The following OTOF variants were observed in gnomAD, a reference collection of about 807,000 sequenced individuals.
OTOF encodes otoferlin, also known as fer-1-like family member 2.
A neutral mutation model predicts 236.8 loss-of-function variants in OTOF; 218 were observed. The observed-to-expected ratio is 0.92, with a 90% CI of 0.82 to 1.03. OTOF has a LOEUF of 1.03. Ranked by LOEUF, OTOF falls within the 50% of genes least tolerant of loss-of-function variation. OTOF has a pLI of 0.00. For synonymous variants in OTOF, 1,041 were observed against 1,072.5 expected, an observed-to-expected ratio of 0.97 and a Z score of 0.57; for missense variants, 2,590 against 2,694.4, an observed-to-expected ratio of 0.96 and a Z score of 0.86.
chr2:26,459,156 A>C (rs1376676024), intron 46 of OTOF, among the ~76,000 whole-genome samples: 1 of 152,218 alleles, frequency 6.6e-6, no homozygotes, highest in Non-Finnish European at 1.5e-5. Context: ...CTGGACTGGG[A>C]GGTCACACAC....
chr2:26,487,347 G>A (rs2148064595), intron 11 of OTOF, among the ~76,000 whole-genome samples: 1 of 152,288 alleles, frequency 6.6e-6, no homozygotes, highest in South Asian at 2.1e-4. Flanking sequence ...TCCTGTCCCT[G>A]GGAGGGCACC....
At chr2:26,509,604 T>C (rs1254986762) in intron 5 of OTOF, among the ~76,000 whole-genome samples, 2 of 152,160 alleles carry the variant, frequency 1.3e-5, no homozygotes, top group Admixed American at 6.5e-5. Flanking sequence ...TGTTGATCAG[T>C]TCAGACCCCT....
intron 30 of OTOF, chr2:26,472,238 A>G (rs567199719): frequency 4.1e-6 from 2 of 482,600 alleles, no homozygotes; most frequent in Admixed American, 3.1e-5. Context: ...GCACGCACAA[A>G]TGCACATACA....
chr2:26,459,365 A>G (rs528394855), intron 46 of OTOF, among the ~76,000 whole-genome samples: 45 of 152,260 alleles, frequency 3.0e-4, no homozygotes, highest in African/African-American at 1.0e-3. Context: ...ATCCTGGCTA[A>G]CACAGTGAAA....
In OTOF at chr2:26,523,237, C is replaced by A. The variant is rs981538770; in HGVS notation, c.228-4128G>T. Among the ~76,000 whole-genome samples, 4 of 152,210 alleles carry A rather than the reference C, an allele frequency of 2.6e-5. No homozygotes were observed. The South Asian group carries it at 6.2e-4, about 24-fold the overall frequency. ...GCTGGATGCACAAAATCTTCTGAACCGAACATTTCTTTCTCATGGGGAAGC... is the reference window on the plus strand; with the variant it reads ...GCTGGATGCACAAAATCTTCTGAACAGAACATTTCTTTCTCATGGGGAAGC... On this transcript the variant is annotated intron_variant, in intron 3 of 46. Coordinates refer to ENST00000272371, the MANE Select transcript of OTOF (RefSeq NM_194248.3).
In OTOF at chr2:26,467,426, G is replaced by A; in HGVS notation, c.4166C>T (p.Ser1389Phe). The A allele has an allele frequency of 6.2e-7, 1 of 1,614,026 alleles. No homozygotes were observed. Among genetic ancestry groups the A allele is most frequent in the Non-Finnish European group, 8.5e-7 (1 of 1,180,012 alleles). Residue 1389 changes from serine to phenylalanine, a missense_variant, in exon 34 of 47, where the codon TCT becomes TTT. Coordinates refer to ENST00000272371, the MANE Select transcript of OTOF (RefSeq NM_194248.3). ...KEEKKKKTQSSGSGQGSEAPE... is the reference protein window; with the variant it reads ...KEEKKKKTQSFGSGQGSEAPE... ...GGCCTCGGACCCCTGGCCAGAGCCA[G>A]AGCTCTGAGTTTTCTTCTTCTTCTC...
chr2:26,463,154 G>T lies in OTOF; in HGVS notation c.5192+329C>A, dbSNP rs571635476. Among the ~76,000 whole-genome samples, 7 of 152,320 alleles carry T rather than the reference G, an allele frequency of 4.6e-5. No individual in the cohort carries two copies. In the South Asian group the frequency reaches 1.5e-3, roughly 32 times the overall value. On this transcript the variant is annotated intron_variant, in intron 41 of 46. Transcript: ENST00000272371. Reference sequence around the variant, plus strand: ...TGGGAGTGCTATGCTGTGTGTGTGTGTGTGCATGAGATGCATGTGTATGGG... The same window carrying T: ...TGGGAGTGCTATGCTGTGTGTGTGTTTGTGCATGAGATGCATGTGTATGGG...
At chr2:26,511,369 C>T (rs530704820) in intron 5 of OTOF, among the ~76,000 whole-genome samples, 27 of 152,308 alleles carry the variant, frequency 1.8e-4, no homozygotes, top group South Asian at 4.1e-4. Flanking sequence ...CAGGGAAAAA[C>T]GGCCCCCCTA....
At chr2:26,520,340 A>G (rs1666645570) in intron 3 of OTOF, among the ~76,000 whole-genome samples, 1 of 152,208 alleles carries the variant, frequency 6.6e-6, no homozygotes, top group Non-Finnish European at 1.5e-5. Flanking sequence ...GGGTGAGGTG[A>G]GGTATCAGAT....
intron 3 of OTOF, among the ~76,000 whole-genome samples, chr2:26,527,541 A>G (rs1327537677): frequency 6.6e-6 from 1 of 152,192 alleles, no homozygotes; most frequent in Non-Finnish European, 1.5e-5. Flanking sequence ...TAAAGCTTTA[A>G]GTCTTTAAGA....
At position 26,489,751 on chromosome 2, in the gene OTOF, A is replaced by G; in HGVS notation, c.898-11T>C. The G allele has an allele frequency of 1.2e-6, 2 of 1,607,322 alleles. No homozygotes were observed. Among genetic ancestry groups the G allele is most frequent in the Non-Finnish European group, 1.7e-6 (2 of 1,174,942 alleles). ...GTCGAAGACGAAGTACTGGAGGGGG[A>G]AGGATCCAGGCCTGCTGTCACTGAG... On this transcript the variant is annotated splice_polypyrimidine_tract_variant and intron_variant, in intron 9 of 46. Coordinates refer to ENST00000272371, the MANE Select transcript of OTOF (RefSeq NM_194248.3).
chr2:26,535,193 G>A (rs1299219258), intron 2 of OTOF, among the ~76,000 whole-genome samples: 2 of 152,198 alleles, frequency 1.3e-5, no homozygotes, highest in Non-Finnish European at 2.9e-5. Flanking sequence ...GGCCTTGCAG[G>A]GGTGGTGGGA....
At chr2:26,494,223 A>T (rs1402787436) in intron 9 of OTOF, among the ~76,000 whole-genome samples, 3 of 152,246 alleles carry the variant, frequency 2.0e-5, no homozygotes, top group Admixed American at 6.5e-5. Context: ...GGGAGATTAA[A>T]GTAGAAGGTC....
At position 26,489,271 on chromosome 2, in the gene OTOF, G is replaced by T; in HGVS notation, c.985C>A (p.Arg329Ser). The change falls in exon 11 of 47, where the codon CGC (arginine) becomes AGC (serine). Residue 329 changes from arginine (R) to serine (S), a missense_variant. Transcript: ENST00000272371. The stretch of plus-strand genomic sequence containing the variant: ...AAGGAGCCCACCAGGGTGCCACTGC[G>T]CAGCAGGTTCTTGGAGTGAATCACC... ...ISVIHSKNLL[R>S]SGTLVGSFKM... The T allele has an allele frequency of 6.2e-7, 1 of 1,612,760 alleles. No individual in the cohort carries two copies. Among genetic ancestry groups the T allele is most frequent in the Non-Finnish European group, 8.5e-7 (1 of 1,179,660 alleles).
At chr2:26,545,580 T>G (rs1667311737) in intron 1 of OTOF, among the ~76,000 whole-genome samples, 1 of 152,178 alleles carries the variant, frequency 6.6e-6, no homozygotes, top group Admixed American at 6.5e-5. Flanking sequence ...ATTTATTTCT[T>G]ATGTTTAGTC....
At chr2:26,520,488 C>T (rs917953464) in intron 3 of OTOF, among the ~76,000 whole-genome samples, 1 of 152,194 alleles carries the variant, frequency 6.6e-6, no homozygotes, top group Non-Finnish European at 1.5e-5. Flanking sequence ...ATATGAAATG[C>T]TCCCCTTTGG....
rs367543660 is a variant in OTOF, at chr2:26,479,635, A to C, written c.1931T>G (p.Val644Gly). The C allele has an allele frequency of 1.2e-6, 2 of 1,612,586 alleles. No homozygotes were observed. Among genetic ancestry groups the C allele is most frequent in the African/African-American group, 1.3e-5 (1 of 75,066 alleles). The change falls in exon 17 of 47, where the codon GTT (valine) becomes GGT (glycine). Residue 644 changes from valine (V) to glycine (G), a missense_variant. This residue lies in a region of OTOF where 1,379 missense variants were observed against 1,341.6 expected (regional missense o/e 1.03). Coordinates refer to ENST00000272371, the MANE Select transcript of OTOF (RefSeq NM_194248.3). The part of the protein sequence containing the change: ...EVTIGNYGNE[V>G]DGLSRPQRPR... Reference sequence around the variant, plus strand: ...CCGCTGGGGCCGGGACAGGCCATCAACTTCGTTCCCATAGTTGCCTGGAGC... The same window carrying C: ...CCGCTGGGGCCGGGACAGGCCATCACCTTCGTTCCCATAGTTGCCTGGAGC...
At chr2:26,496,251 T>TTTC (rs1553356695) in intron 8 of OTOF, among the ~76,000 whole-genome samples, 5 of 151,278 alleles carry the variant, frequency 3.3e-5, no homozygotes, top group South Asian at 4.2e-4. Flanking sequence ...TTTTTTTTTT[T>TTTC]CACACTGAGT....
At chr2:26,522,551 A>G (rs1171339180) in intron 3 of OTOF, among the ~76,000 whole-genome samples, 1 of 152,202 alleles carries the variant, frequency 6.6e-6, no homozygotes, top group Non-Finnish European at 1.5e-5. Context: ...CACACATAGT[A>G]GGTTCTTACT....
Sources: gnomAD v4.1 joint callset for allele counts (sites outside exome capture counted in the v4.1 genomes callset) on GRCh38, gnomAD v4.1.1 for gene constraint, gnomAD v4.1.1 regional missense constraint, MANE v1.5 for transcripts, NCBI Gene and HGNC (gene_info 2026-07-23, HGNC 2026-07-21) for gene names.